Variants in RALGDS observed in about 807,000 individuals in gnomAD.
The protein encoded by RALGDS is ral guanine nucleotide dissociation stimulator, also known as ral guanine nucleotide exchange factor.
A neutral mutation model predicts 99.8 loss-of-function variants in RALGDS; 44 were observed. The observed-to-expected ratio is 0.44, with a 90% confidence interval of 0.35 to 0.57. RALGDS has a LOEUF of 0.57. RALGDS is among the 20% of genes least tolerant of loss of function. The pLI is 0.01. For missense variants in RALGDS, 1,022 were observed against 1,203.1 expected, an observed-to-expected ratio of 0.85 and a Z score of 2.23; for synonymous variants, 529 against 505.0, an observed-to-expected ratio of 1.05 and a Z score of -0.64.
At chr9:133,148,988 C>T in exon 1 of RALGDS, 1 of 1,585,648 alleles carries the variant, frequency 6.3e-7, no homozygotes, top group Non-Finnish European at 8.5e-7. Context: ...CATCCTCAGC[C>T]TCGGTGGCAC....
chr9:133,148,329 A>G (rs1832659370), intron 1 of RALGDS, among the ~76,000 whole-genome samples: 1 of 152,160 alleles, frequency 6.6e-6, no homozygotes, highest in Non-Finnish European at 1.5e-5. Context: ...TGTCCTCTCC[A>G]GGCTGCCCCA....
In RALGDS at chr9:133,106,704, G is replaced by A. The variant is rs1295631833; in HGVS notation, c.1458C>T (p.Leu486=). 1 of 1,612,806 alleles carries A rather than the reference G, an allele frequency of 6.2e-7. No homozygotes were observed. Among genetic ancestry groups the A allele is most frequent in the Admixed American group, 1.7e-5 (1 of 59,952 alleles). ...GGATGGAGTTGCTCTGCAGGGCAGA[G>A]AGGATGGCATACAGTGACGAGAAGT... ...LKNFSSLYAI[L]SALQSNSIHR... Residue 486 remains leucine, a synonymous_variant, in exon 8 of 18, where the codon CTC becomes CTT. Coordinates refer to ENST00000372050, the MANE Select transcript of RALGDS (RefSeq NM_006266.4).
chr9:133,103,116 G>A, intron 12 of RALGDS, 114 bp downstream of exon 12: 2 of 1,460,986 alleles, frequency 1.4e-6, no homozygotes, highest in Admixed American at 3.5e-5. Context: ...TTCTCTCTGT[G>A]TCCAAATGTC....
intron 1 of RALGDS, among the ~76,000 whole-genome samples, chr9:133,129,729 T>G (rs1832274722): frequency 6.6e-6 from 1 of 151,520 alleles, no homozygotes; most frequent in Admixed American, 6.6e-5. Flanking sequence ...GAGACCCCAC[T>G]CACTTGTTCT....
At chr9:133,143,259 C>T (rs1326481332) in intron 1 of RALGDS, among the ~76,000 whole-genome samples, 1 of 152,234 alleles carries the variant, frequency 6.6e-6, no homozygotes, top group African/African-American at 2.4e-5. Context: ...CTGCCCCATA[C>T]CCCTGAGCCT....
intron 1 of RALGDS, among the ~76,000 whole-genome samples, chr9:133,116,749 A>G (rs1480758783): frequency 6.6e-6 from 1 of 152,230 alleles, no homozygotes; most frequent in African/African-American, 2.4e-5. Flanking sequence ...GCCCTGCCTG[A>G]TGGACAAGGA....
upstream of RALGDS, among the ~76,000 whole-genome samples, chr9:133,135,842 C>T (rs1161636757): frequency 6.6e-6 from 1 of 152,164 alleles, no homozygotes. Flanking sequence ...AAATGGCACC[C>T]CAAGGTGGCA....
At position 133,097,997 on chromosome 9, in the gene RALGDS, C is replaced by T. The variant is rs1272985908; in HGVS notation, c.*590G>A. The stretch of plus-strand genomic sequence containing the variant: ...CTCAGCTGGGACTGTCCTCACTCAC[C>T]GGGTGCAGAGTCTGGTCCATGAAGA... On this transcript the variant is annotated 3_prime_UTR_variant, in exon 18 of 18. Transcript: ENST00000372050. 5 of 247,188 alleles carry T rather than the reference C, an allele frequency of 2.0e-5. No individual in the cohort carries two copies. In the South Asian group the frequency reaches 4.3e-4, roughly 21 times the overall value. The allele number at this position is 247,188 out of a possible 1,614,324, so 15.3% of individuals were successfully genotyped here. A position where few individuals can be genotyped will look rare whatever the true frequency, so the allele number is the denominator to read the frequency against.
chr9:133,104,614 C>A (rs1412082281), intron 9 of RALGDS: 5 of 439,248 alleles, frequency 1.1e-5, no homozygotes, highest in African/African-American at 2.0e-5. Context: ...GAGTTTAAGA[C>A]CAGCCTGGCC....
At chr9:133,136,672 C>A (rs565674536) in intron 1 of RALGDS, among the ~76,000 whole-genome samples, 107 of 152,316 alleles carry the variant, frequency 7.0e-4, no homozygotes, top group Middle Eastern at 6.8e-3. Context: ...ACTCGGGAGG[C>A]TGAGGCAGAG....
chr9:133,108,482 C>T, intron 5 of RALGDS, 76 bp from the exon 6 acceptor site: 1 of 1,467,208 alleles, frequency 6.8e-7, no homozygotes, highest in Non-Finnish European at 9.2e-7. Context: ...GCCCCGGCTT[C>T]CAGAGAAGCC....
chr9:133,102,628 A>G, intron 13 of RALGDS, 57 bp from the exon 14 acceptor site: 1 of 1,607,280 alleles, frequency 6.2e-7, no homozygotes, highest in Non-Finnish European at 8.5e-7. Flanking sequence ...GCCTTCCCCC[A>G]GCACCTGCCC....
chr9:133,108,969 C>A, intron 4 of RALGDS, 103 bp from the exon 5 acceptor site: 1 of 1,162,474 alleles, frequency 8.6e-7, no homozygotes, highest in Non-Finnish European at 1.2e-6. Flanking sequence ...CCTGCCCCGG[C>A]CCAAGCCCCC....
chr9:133,105,318 C>T (rs1830964176), intron 9 of RALGDS, among the ~76,000 whole-genome samples: 2 of 152,196 alleles, frequency 1.3e-5, no homozygotes, highest in South Asian at 4.1e-4. Context: ...TGAAAGTTCT[C>T]CTCAGTCATC....
chr9:133,104,614 C>T, intron 9 of RALGDS: 1 of 439,366 alleles, frequency 2.3e-6, no homozygotes, highest in Non-Finnish European at 4.2e-6. Flanking sequence ...GAGTTTAAGA[C>T]CAGCCTGGCC....
rs1352290057 is a variant in RALGDS, at chr9:133,112,138, C to T, written c.198G>A (p.Glu66=). The change falls in exon 2 of 18, where the codon GAG becomes GAA. Residue 66 remains glutamate (E), a synonymous_variant. Transcript: ENST00000372050. ...DLPRPESSTQ[E]IGEELINGVI... is the part of the protein sequence containing the mutation. Reference sequence around the variant, plus strand: ...CTCCGTTGATCAGCTCCTCACCGATCTCCTGCGTGGAGCTCTGTGAAGACA... The same window carrying T: ...CTCCGTTGATCAGCTCCTCACCGATTTCCTGCGTGGAGCTCTGTGAAGACA... The T allele has an allele frequency of 1.9e-6, 3 of 1,565,544 alleles. No homozygotes were observed. Among genetic ancestry groups the T allele is most frequent in the African/African-American group, 2.7e-5 (2 of 73,562 alleles).
chr9:133,112,302 A>G (rs1831387215), intron 1 of RALGDS, 150 bp from the exon 2 acceptor site: 1 of 668,584 alleles, frequency 1.5e-6, no homozygotes, highest in East Asian at 2.7e-5. Context: ...ATGAGATCAC[A>G]GCTCGAGAGC....
chr9:133,134,904 C>G (rs1021674672), upstream of RALGDS, among the ~76,000 whole-genome samples: 6 of 152,222 alleles, frequency 3.9e-5, no homozygotes, highest in African/African-American at 1.4e-4. Context: ...CAAAGCCACA[C>G]AGCAGAGCAG....
At position 133,108,697 on chromosome 9, in the gene RALGDS, C is replaced by T. The variant is rs1474739348; in HGVS notation, c.754G>A (p.Glu252Lys). ...CCCTCAGGCTCTGCCTCAATGGGTT[C>T]CGAGTGCTCCAGCTGGGCCAGGAGA... is the stretch of plus-strand genomic sequence containing the variant. ...HLLLAQLEHS[E>K]PIEAEPEALS... Residue 252 changes from glutamate to lysine, a missense_variant, in exon 5 of 18, where the codon GAA (glutamate) becomes AAA (lysine). Around this residue, in one of 3 missense-constraint regions of RALGDS, gnomAD observed 825 missense variants for 994.5 expected, o/e 0.83. Coordinates refer to ENST00000372050, the MANE Select transcript of RALGDS (RefSeq NM_006266.4). The T allele has an allele frequency of 1.2e-6, 2 of 1,613,558 alleles. No individual in the cohort carries two copies. The highest frequency in any genetic ancestry group is 2.7e-5 in the African/African-American group (2 of 74,904).
Sources: allele counts gnomAD v4.1 joint callset (sites outside exome capture counted in the v4.1 genomes callset), GRCh38; gene constraint gnomAD v4.1.1; regional missense constraint gnomAD v4.1.1; transcripts MANE v1.5; gene names NCBI Gene and HGNC (gene_info 2026-07-23, HGNC 2026-07-21).